Variants in GLS2 observed in about 807,000 individuals in gnomAD.
GLS2 encodes the protein glutaminase 2.
A neutral mutation model predicts 79.0 loss-of-function variants in GLS2; 52 were observed. The ratio of observed to expected loss-of-function variants is 0.66; its 90% confidence interval spans 0.53 to 0.83. The LOEUF (loss-of-function observed/expected upper bound fraction) is 0.83. Among genes scored for constraint, GLS2 ranks in the 40% least tolerant of loss-of-function variants. The pLI is 0.00. For missense variants in GLS2, 561 were observed against 764.8 expected, an observed-to-expected ratio of 0.73 and a Z score of 3.14; for synonymous variants, 238 against 280.8, an observed-to-expected ratio of 0.85 and a Z score of 1.52.
At chr12:56,475,839 T>TA in intron 8 of GLS2, 106 bp downstream of exon 8, 2 of 1,418,972 alleles carry the variant, frequency 1.4e-6, no homozygotes, top group South Asian at 2.3e-5. Context: ...GCTTCTAGTA[T>TA]GGGCTGGTGC....
chr12:56,488,009 C>T lies in GLS2; in HGVS notation c.110G>A (p.Arg37Gln), dbSNP rs765747722. 2 of 1,598,598 alleles carry T rather than the reference C, an allele frequency of 1.3e-6. No homozygotes were observed. Among genetic ancestry groups the T allele is most frequent in the South Asian group, 1.1e-5 (1 of 90,492 alleles). Residue 37 changes from arginine to glutamine, a missense_variant, in exon 1 of 18, where the codon CGG becomes CAG. By Grantham distance (43) the Arg-to-Gln change is conservative (BLOSUM62 1). Transcript: ENST00000311966. ...SRSPLLGGGV[R>Q]HHLSEAAAQG... ...CGCCGCGGCCTCACTGAGGTGGTGC[C>T]GGACGCCCCCGCCAAGGAGGGGGCT...
intron 1 of GLS2, among the ~76,000 whole-genome samples, chr12:56,486,862 AAAAG>A (rs1870730451): frequency 6.6e-6 from 1 of 152,212 alleles, no homozygotes; most frequent in Non-Finnish European, 1.5e-5. Context: ...TCCGTCTCAA[AAAAG>A]AAAGAAATAA....
Position 56,478,249 on chromosome 12 carries a change from A to G in GLS2, c.548T>C (p.Ile183Thr). ...TGGGTTTGACTTGGCCAGCTGAGGG[A>G]TGTAGGCTGCCACCTGGACATGAGT... ...ELTGGKVAAYIPQLAKSNPDL... is the reference protein window; with the variant it reads ...ELTGGKVAAYTPQLAKSNPDL... The change falls in exon 5 of 18, where the codon ATC (isoleucine) becomes ACC (threonine). Residue 183 changes from isoleucine to threonine, a missense_variant. Coordinates refer to ENST00000311966, the MANE Select transcript of GLS2 (RefSeq NM_013267.4). The G allele has an allele frequency of 6.2e-7, 1 of 1,614,210 alleles. No homozygotes were observed. Among genetic ancestry groups the G allele is most frequent in the Non-Finnish European group, 8.5e-7 (1 of 1,180,032 alleles).
At chr12:56,472,639 A>G in intron 15 of GLS2, 51 bp downstream of exon 15, 1 of 1,539,434 alleles carries the variant, frequency 6.5e-7, no homozygotes, top group Non-Finnish European at 9.0e-7. Context: ...TCCTAGTAAA[A>G]TCTCTGACCA....
At chr12:56,471,868 G>A (rs1450695565) in intron 16 of GLS2, 32 bp from the exon 17 acceptor site, 21 of 1,607,574 alleles carry the variant, frequency 1.3e-5, no homozygotes, top group Non-Finnish European at 1.8e-5. Context: ...AAATGAGAAG[G>A]CGCAGGTCTT....
intron 14 of GLS2, 37 bp downstream of exon 14, chr12:56,473,191 T>G: frequency 2.5e-6 from 4 of 1,596,320 alleles, no homozygotes; most frequent in Non-Finnish European, 3.4e-6. Flanking sequence ...ACCTGGCCTT[T>G]GAAATATTCT....
chr12:56,474,313 T>C (rs1326454054), intron 12 of GLS2: 1 of 536,286 alleles, frequency 1.9e-6, no homozygotes, highest in Non-Finnish European at 3.3e-6. Flanking sequence ...GGTCTCGAAC[T>C]CCTGACCTCA....
chr12:56,487,993 C>T lies in GLS2; in HGVS notation c.126G>A (p.Glu42=), dbSNP rs754370814. The change falls in exon 1 of 18, where the codon GAG becomes GAA. Residue 42 remains glutamate, a synonymous_variant. Transcript: ENST00000311966. ...LGGGVRHHLS[E]AAAQGRETPH... is the part of the protein sequence containing the mutation. ...GCGTCTCTCTGCCCTGCGCCGCGGC[C>T]TCACTGAGGTGGTGCCGGACGCCCC... The T allele has an allele frequency of 1.4e-5, 22 of 1,601,282 alleles. No homozygotes were observed. The East Asian group carries it at 2.2e-4, about 16-fold the overall frequency.
intron 1 of GLS2, among the ~76,000 whole-genome samples, chr12:56,483,072 T>C (rs1349209570): frequency 6.6e-6 from 1 of 151,806 alleles, no homozygotes; most frequent in Non-Finnish European, 1.5e-5. Context: ...TTTTCTTTTT[T>C]CTTTTTCTTT....
chr12:56,482,075 AC>A (rs1165102104), intron 1 of GLS2, among the ~76,000 whole-genome samples: 8 of 152,132 alleles, frequency 5.3e-5, no homozygotes, highest in Admixed American at 1.3e-4. Context: ...TACTAAAAAT[AC>A]AAAAATTAGC....
Position 56,478,977 on chromosome 12 carries a change from C to CT in GLS2, c.534+74dup. ...CCAGCCCGGGTGACAGAGCAAAACTCTGTCTCAGGAAAAAAAAAAAAAAAA... is the reference window on the plus strand; with the variant it reads ...CCAGCCCGGGTGACAGAGCAAAACTCTTGTCTCAGGAAAAAAAAAAAAAAAA... On this transcript the variant is annotated intron_variant, in intron 4 of 17. Transcript: ENST00000311966. The CT allele has an allele frequency of 4.0e-6, 6 of 1,513,468 alleles. No individual in the cohort carries two copies. In the East Asian group the frequency reaches 1.4e-4, roughly 35 times the overall value. The allele number at this position is 1,513,468 out of a possible 1,614,324, so 93.8% of individuals were successfully genotyped here. A position where few individuals can be genotyped will look rare whatever the true frequency, so the allele number is the denominator to read the frequency against.
chr12:56,486,566 C>T (rs963920326), intron 1 of GLS2, among the ~76,000 whole-genome samples: 1 of 152,276 alleles, frequency 6.6e-6, no homozygotes, highest in South Asian at 2.1e-4. Context: ...AAGGGCCGGG[C>T]GTGGTGGCTC....
chr12:56,475,329 G>A lies in GLS2; in HGVS notation c.930-219C>T. The A allele has an allele frequency of 3.3e-6, 4 of 1,230,542 alleles. No homozygotes were observed. The South Asian group carries it at 4.6e-5, about 14-fold the overall frequency. The allele number at this position is 1,230,542 out of a possible 1,614,324, so 76.2% of individuals were successfully genotyped here. A position where few individuals can be genotyped will look rare whatever the true frequency, so the allele number is the denominator to read the frequency against. On this transcript the variant is annotated intron_variant, in intron 9 of 17. Transcript: ENST00000311966. ...AAACCCAAACCAAACACCCCAAACT[G>A]TCTAGTCATCTAGGAAAACTGGTGA...
chr12:56,473,273 G>A lies in GLS2; in HGVS notation c.1404C>T (p.His468=), dbSNP rs769926689. The part of the protein sequence containing the change: ...FNFHNYDNLR[H]CARKLDPRRE... Reference sequence around the variant, plus strand: ...GCCGTGGGTCTAACTTCCGAGCACAGTGCCTCAGGTTGTCATAGTTGTGGA... The same window carrying A: ...GCCGTGGGTCTAACTTCCGAGCACAATGCCTCAGGTTGTCATAGTTGTGGA... Residue 468 remains histidine, a synonymous_variant, in exon 14 of 18, where the codon CAC becomes CAT. Coordinates refer to ENST00000311966, the MANE Select transcript of GLS2 (RefSeq NM_013267.4). 3 of 1,614,150 alleles carry A rather than the reference G, an allele frequency of 1.9e-6. No homozygotes were observed. Among genetic ancestry groups the A allele is most frequent in the Non-Finnish European group, 2.5e-6 (3 of 1,180,036 alleles).
At chr12:56,471,734 G>A in intron 17 of GLS2, 39 bp downstream of exon 17, 3 of 1,612,230 alleles carry the variant, frequency 1.9e-6, no homozygotes, top group East Asian at 2.2e-5. Flanking sequence ...AGGTGGAGAA[G>A]CTGTGCCCAC....
chr12:56,479,123 G>A lies in GLS2; in HGVS notation c.463C>T (p.Pro155Ser), dbSNP rs1482383885. The change falls in exon 4 of 18, where the codon CCT becomes TCT. Residue 155 changes from proline to serine, a missense_variant. This residue lies in a region of GLS2 where 43 missense variants were observed against 92.8 expected (regional missense o/e 0.46). Coordinates refer to ENST00000311966, the MANE Select transcript of GLS2 (RefSeq NM_013267.4). ...TQAFRKKFVI[P>S]DFEEFTGHVD... is the part of the protein sequence containing the mutation. ...TGGCCCGTGAACTCCTCAAAATCAG[G>A]AATGACAAACTTCTTTCGGAATGCC... 1 of 1,613,972 alleles carries A rather than the reference G, an allele frequency of 6.2e-7. No homozygotes were observed. Among genetic ancestry groups the A allele is most frequent in the East Asian group, 2.2e-5 (1 of 44,884 alleles).
chr12:56,479,174 TCA>T lies in GLS2; in HGVS notation c.410_411del (p.Val137GlufsTer19). On this transcript the variant is annotated frameshift_variant, in exon 4 of 18. Coordinates refer to ENST00000311966, the MANE Select transcript of GLS2 (RefSeq NM_013267.4). LOFTEE classifies it high-confidence loss of function. Reference protein sequence around the residue: ...LLDRDLFRKCVSSNIVLLTQA... With the variant: ...LLDRDLFRKCXSSNIVLLTQA... ...TGGGTCAGGAGCACAATGTTGCTGCTCACACACCTGGATCCCAGACACGATTG... is the reference window on the plus strand; with the variant it reads ...TGGGTCAGGAGCACAATGTTGCTGCTCACACCTGGATCCCAGACACGATTG... 1 of 1,613,586 alleles carries T rather than the reference TCA, an allele frequency of 6.2e-7. No individual in the cohort carries two copies. Among genetic ancestry groups the T allele is most frequent in the South Asian group, 1.1e-5 (1 of 91,074 alleles).
At chr12:56,473,198 T>G (rs751280159) in intron 14 of GLS2, 30 bp downstream of exon 14, 2 of 1,605,464 alleles carry the variant, frequency 1.2e-6, no homozygotes, top group African/African-American at 1.3e-5. Context: ...CTTTGAAATA[T>G]TCTTACAAGC....
chr12:56,480,181 C>A, intron 2 of GLS2, 107 bp downstream of exon 2: 1 of 952,148 alleles, frequency 1.1e-6, no homozygotes, highest in Non-Finnish European at 1.6e-6. Context: ...TATGCTTCAC[C>A]CTCATGTAGC....
Sources: gnomAD v4.1 joint callset for allele counts (sites outside exome capture counted in the v4.1 genomes callset) on GRCh38, gnomAD v4.1.1 for gene constraint, gnomAD v4.1.1 regional missense constraint, MANE v1.5 for transcripts, NCBI Gene and HGNC (gene_info 2026-07-23, HGNC 2026-07-21) for gene names.